AKNAD1: variants seen among roughly 807,000 people sequenced by gnomAD.
AKNAD1 encodes protein AKNAD1.
AKNAD1 carries 67 observed loss-of-function variants against 90.8 expected under a neutral mutation model. The ratio of observed to expected loss-of-function variants is 0.74; its 90% CI spans 0.61 to 0.90. The LOEUF (loss-of-function observed/expected upper bound fraction) is 0.90, where lower values mean the gene tolerates loss of function less well. Among genes scored for constraint, AKNAD1 ranks in the 40% least tolerant of loss-of-function variants. The pLI is 0.00. For missense variants in AKNAD1, 957 were observed against 975.4 expected (o/e 0.98, Z 0.25); for synonymous variants, 327 against 341.4 (o/e 0.96, Z 0.46).
In AKNAD1 at chr1:108,817,379, G is replaced by A. The variant is rs563719151; in HGVS notation, c.2250-202C>T. ...AAAATGGTTGTTGCCATGACCATGC[G>A]GGTGTTTTCTCCCGGAATTGATCTC... On this transcript the variant is annotated intron_variant, in intron 14 of 15. Coordinates refer to ENST00000370001, the MANE Select transcript of AKNAD1 (RefSeq NM_152763.5). 23 of 464,258 alleles carry A rather than the reference G, an allele frequency of 5.0e-5. No individual in the cohort carries two copies. The Admixed American group carries it at 7.5e-4, about 15-fold the overall frequency. The allele number at this position is 464,258 out of a possible 1,614,324, so 28.8% of individuals were successfully genotyped here.
At chr1:108,822,536 T>C (rs1375806492) in intron 13 of AKNAD1, among the ~76,000 whole-genome samples, 1 of 151,512 alleles carries the variant, frequency 6.6e-6, no homozygotes, top group Non-Finnish European at 1.5e-5. Context: ...CAGCTGGAGG[T>C]GGGGAGGGGA....
chr1:108,835,785 C>T (rs547822729), intron 7 of AKNAD1, among the ~76,000 whole-genome samples: 134 of 151,808 alleles, frequency 8.8e-4, no homozygotes, highest in African/African-American at 2.9e-3. Flanking sequence ...CCACCACGCC[C>T]GGCTAATTTT....
At chr1:108,847,789 C>A (rs1664743941) in intron 5 of AKNAD1, among the ~76,000 whole-genome samples, 1 of 152,208 alleles carries the variant, frequency 6.6e-6, no homozygotes, top group African/African-American at 2.4e-5. Flanking sequence ...AAAGGTGAGC[C>A]TCTTCTAGGC....
chr1:108,848,815 C>A lies in AKNAD1; in HGVS notation c.1183-1G>T, dbSNP rs778620625. 6 of 1,609,936 alleles carry A rather than the reference C, an allele frequency of 3.7e-6. No individual in the cohort carries two copies. The African/African-American group carries it at 8.0e-5, about 22-fold the overall frequency. ...TTATTCTTTTGGAAAATTCTTGTAC[C>A]TGCAGTGAAAAAATTACAATCTCTC... is the stretch of plus-strand genomic sequence containing the variant. On this transcript the variant is annotated splice_acceptor_variant, in intron 4 of 15. Transcript: ENST00000370001. LOFTEE classifies it high-confidence loss of function.
At chr1:108,830,991 T>C (rs1664180165) in intron 9 of AKNAD1, among the ~76,000 whole-genome samples, 1 of 152,360 alleles carries the variant, frequency 6.6e-6, no homozygotes. Flanking sequence ...CCCCTTTTTA[T>C]CTTTCCCTTA....
Position 108,834,909 on chromosome 1 carries a change from G to T in AKNAD1, c.1664+20C>A. The T allele has an allele frequency of 6.6e-7, 1 of 1,514,412 alleles. No individual in the cohort carries two copies. Among genetic ancestry groups the T allele is most frequent in the Non-Finnish European group, 8.8e-7 (1 of 1,138,928 alleles). 93.8% of individuals were successfully genotyped at this position (1,514,412 alleles called of 1,614,324 possible). On this transcript the variant is annotated intron_variant, in intron 8 of 15. Transcript: ENST00000370001. ...CTTTCTGTGTCCTGTGTCTGCTGGG[G>T]CTCCAGGGCTAGGACTCACGTCTGC...
At chr1:108,843,361 G>A in intron 5 of AKNAD1, 94 bp from the exon 6 acceptor site, 2 of 1,458,592 alleles carry the variant, frequency 1.4e-6, no homozygotes, top group Non-Finnish European at 1.8e-6. Context: ...CTACAGTAGT[G>A]TCAAAACAAA....
intron 1 of AKNAD1, among the ~76,000 whole-genome samples, chr1:108,853,657 G>A (rs2101222976): frequency 6.6e-6 from 1 of 151,874 alleles, no homozygotes; most frequent in Admixed American, 6.5e-5. Flanking sequence ...CAAGGGGCCG[G>A]GCACGGTGCC....
intron 10 of AKNAD1, among the ~76,000 whole-genome samples, chr1:108,827,813 C>CAA (rs11369356): frequency 0.52 from 59,676 of 114,380 alleles, 15,029 homozygotes; most frequent in Non-Finnish European, 0.61. Context: ...GACTCCTACT[C>CAA]AAAAAAAAAA....
intron 14 of AKNAD1, among the ~76,000 whole-genome samples, chr1:108,819,750 A>G (rs1037677972): frequency 2.5e-5 from 2 of 80,534 alleles, no homozygotes; most frequent in Admixed American, 1.7e-4. Flanking sequence ...TGTCTCTACA[A>G]ATTTTTTTTT....
At chr1:108,827,649 C>G (rs1413183392) in intron 10 of AKNAD1, among the ~76,000 whole-genome samples, 1 of 150,480 alleles carries the variant, frequency 6.6e-6, no homozygotes, top group Non-Finnish European at 1.5e-5. Context: ...CCTGTCTCTA[C>G]TAAAAGTACA....
chr1:108,836,213 C>T (rs960204923), intron 7 of AKNAD1, among the ~76,000 whole-genome samples: 4 of 152,214 alleles, frequency 2.6e-5, no homozygotes, highest in Admixed American at 2.6e-4. Context: ...AGGGCCAACC[C>T]TGAGGTGGCC....
At chr1:108,816,878 C>G in intron 15 of AKNAD1, 170 bp downstream of exon 15, 1 of 687,988 alleles carries the variant, frequency 1.5e-6, no homozygotes, top group Non-Finnish European at 2.3e-6. Flanking sequence ...ACAAACCTTG[C>G]GACTGCTGAG....
At chr1:108,856,446 T>C (rs1246291620) in intron 1 of AKNAD1, among the ~76,000 whole-genome samples, 9 of 152,066 alleles carry the variant, frequency 5.9e-5, no homozygotes, top group Non-Finnish European at 1.0e-4. Context: ...ATGCCTGTAA[T>C]CTCAGCACTT....
intron 9 of AKNAD1, among the ~76,000 whole-genome samples, chr1:108,833,277 A>G (rs888635385): frequency 4.6e-5 from 7 of 152,172 alleles, no homozygotes; most frequent in Admixed American, 4.6e-4. Flanking sequence ...GACTGGAAGG[A>G]TATACACTAA....
At chr1:108,839,199 A>G (rs2101194977) in intron 6 of AKNAD1, among the ~76,000 whole-genome samples, 1 of 152,310 alleles carries the variant, frequency 6.6e-6, no homozygotes, top group Non-Finnish European at 1.5e-5. Flanking sequence ...CATGAAAAGA[A>G]AAGGGGCCCG....
At chr1:108,817,647 G>A (rs1362569728) in intron 14 of AKNAD1, among the ~76,000 whole-genome samples, 66 of 150,936 alleles carry the variant, frequency 4.4e-4, no homozygotes, top group Admixed American at 1.2e-3. Flanking sequence ...GACTACAGGC[G>A]CCCGCCACCA....
At chr1:108,817,686 T>C (rs1333925068) in intron 14 of AKNAD1, among the ~76,000 whole-genome samples, 3 of 151,506 alleles carry the variant, frequency 2.0e-5, no homozygotes, top group East Asian at 3.9e-4. Flanking sequence ...TATTTTTTTT[T>C]AGTAGAGATG....
chr1:108,817,029 T>C lies in AKNAD1; in HGVS notation c.2379+19A>G. On this transcript the variant is annotated intron_variant, in intron 15 of 15. Transcript: ENST00000370001. Reference sequence around the variant, plus strand: ...CTTACGAGCTGCAATGCTTCTCGAATGATTTTCTAAGTCCTCACCTCAGAT... The same window carrying C: ...CTTACGAGCTGCAATGCTTCTCGAACGATTTTCTAAGTCCTCACCTCAGAT... 1 of 1,613,356 alleles carries C rather than the reference T, an allele frequency of 6.2e-7. No homozygotes were observed. The highest frequency in any genetic ancestry group is 1.1e-5 in the South Asian group (1 of 90,966).
Sources: allele counts gnomAD v4.1 joint callset (sites outside exome capture counted in the v4.1 genomes callset), GRCh38; gene constraint gnomAD v4.1.1; transcripts MANE v1.5; gene names NCBI Gene and HGNC (gene_info 2026-07-23, HGNC 2026-07-21).